The following CDS2 variants were observed in gnomAD, a reference collection of about 807,000 sequenced individuals.
CDS2 encodes phosphatidate cytidylyltransferase 2.
Under a neutral mutation model 59.0 loss-of-function variants are expected in CDS2, and 47 were observed. The ratio of observed to expected loss-of-function variants is 0.80; its 90% CI spans 0.63 to 1.02. CDS2 has a LOEUF of 1.02. Ranked by LOEUF, CDS2 falls within the 50% of genes least tolerant of loss-of-function variation. CDS2 has a pLI of 0.00. For synonymous variants in CDS2, 207 were observed against 206.4 expected (o/e 1.00, Z -0.02); for missense variants, 356 against 558.9 (o/e 0.64, Z 3.66).
At chr20:5,160,330 A>G (rs558222717) in intron 1 of CDS2, among the ~76,000 whole-genome samples, 1 of 152,278 alleles carries the variant, frequency 6.6e-6, no homozygotes, top group East Asian at 1.9e-4. Context: ...AATCCTGTTC[A>G]CCTGGCTGTT....
chr20:5,189,227 A>G (rs2091094132), intron 11 of CDS2, 41 bp downstream of exon 11: 2 of 1,612,020 alleles, frequency 1.2e-6, no homozygotes, highest in East Asian at 2.2e-5. Flanking sequence ...TCACTCCCTC[A>G]CCCATCTTCT....
intron 1 of CDS2, among the ~76,000 whole-genome samples, chr20:5,168,306 T>C (rs2090927616): frequency 6.7e-6 from 1 of 150,290 alleles, no homozygotes; most frequent in Non-Finnish European, 1.5e-5. Flanking sequence ...TCCTAGCTAC[T>C]TGGGAGGCTG....
At chr20:5,186,873 A>C (rs759547369) in intron 10 of CDS2, 34 bp downstream of exon 10, 1 of 1,611,712 alleles carries the variant, frequency 6.2e-7, no homozygotes, top group African/African-American at 1.3e-5. Context: ...AGCGGCCTCC[A>C]TGGACAGTGG....
chr20:5,150,706 TGGA>T (rs934137293), intron 1 of CDS2, among the ~76,000 whole-genome samples: 2 of 152,196 alleles, frequency 1.3e-5, no homozygotes, highest in Non-Finnish European at 2.9e-5. Context: ...GCCTCTGCTG[TGGA>T]GCATTCCTGA....
chr20:5,127,157 C>G lies in CDS2; in HGVS notation c.57+8C>G. 1.3e-6 allele frequency: 2 copies of G among 1,489,264 alleles called. No homozygotes were observed. Among genetic ancestry groups the G allele is most frequent in the Non-Finnish European group, 1.8e-6 (2 of 1,118,008 alleles). 92.3% of individuals were successfully genotyped at this position (1,489,264 alleles called of 1,614,324 possible). On this transcript the variant is annotated splice_region_variant and intron_variant, in intron 1 of 12. Transcript: ENST00000460006. ...GCGCCACCCGAGGACAAGGTAGCGG[C>G]AGCGTCGGGGTGGGCGCGGCCGGGA...
At chr20:5,172,326 G>A (rs576014408) in intron 1 of CDS2, among the ~76,000 whole-genome samples, 117 of 152,328 alleles carry the variant, frequency 7.7e-4, no homozygotes, top group African/African-American at 2.5e-3. Flanking sequence ...TGAGGTGAAG[G>A]TGGGGGTTAG....
chr20:5,165,224 T>C (rs146755902), intron 1 of CDS2, among the ~76,000 whole-genome samples: 55 of 152,316 alleles, frequency 3.6e-4, no homozygotes, highest in African/African-American at 1.3e-3. Flanking sequence ...ACCCCCGTAT[T>C]GCTTAGGATA....
rs746526981 is a variant in CDS2, at chr20:5,185,858, T to A, written c.828+32T>A. 28 of 1,603,204 alleles carry A rather than the reference T, an allele frequency of 1.7e-5. No individual in the cohort carries two copies. In the South Asian group the frequency reaches 1.8e-4, roughly 10 times the overall value. ...GGTGGCTTTCAGCTGTGTAAGGGAT[T>A]GGGTGGACAGAGGCCTCATACCACC... On this transcript the variant is annotated intron_variant, in intron 9 of 12. Transcript: ENST00000460006.
chr20:5,155,649 C>T (rs1289387284), intron 1 of CDS2, among the ~76,000 whole-genome samples: 1 of 152,176 alleles, frequency 6.6e-6, no homozygotes, highest in Non-Finnish European at 1.5e-5. Context: ...ATATTTAGGG[C>T]CCACATGGAT....
At chr20:5,182,864 A>G (rs559822443) in intron 6 of CDS2, among the ~76,000 whole-genome samples, 197 bp from the exon 7 acceptor site, 160 of 152,226 alleles carry the variant, frequency 1.1e-3, no homozygotes, top group Non-Finnish European at 1.7e-3. Flanking sequence ...GGGAGAGCTC[A>G]CTCACTAGTG....
intron 8 of CDS2, 41 bp from the exon 9 acceptor site, chr20:5,185,717 A>T (rs1238260607): frequency 6.3e-7 from 1 of 1,576,650 alleles, no homozygotes; most frequent in Admixed American, 1.7e-5. Context: ...AGCTATAGTT[A>T]TCAAAACACC....
chr20:5,188,822 C>T (rs1183865836), intron 10 of CDS2, among the ~76,000 whole-genome samples: 3 of 152,154 alleles, frequency 2.0e-5, no homozygotes, highest in Non-Finnish European at 2.9e-5. Flanking sequence ...GGGGCTTCAT[C>T]ACTTCATAAC....
At chr20:5,141,766 A>G (rs1278472790) in intron 1 of CDS2, among the ~76,000 whole-genome samples, 1 of 152,144 alleles carries the variant, frequency 6.6e-6, no homozygotes, top group Non-Finnish European at 1.5e-5. Context: ...TCTCTAGGCA[A>G]ATAGTGGCTG....
chr20:5,161,209 T>G (rs2090874100), intron 1 of CDS2, among the ~76,000 whole-genome samples: 1 of 152,260 alleles, frequency 6.6e-6, no homozygotes, highest in Admixed American at 6.5e-5. Flanking sequence ...TCTTCTCCAG[T>G]ACTTGTTATT....
At chr20:5,135,152 G>A (rs1046319783) in intron 1 of CDS2, among the ~76,000 whole-genome samples, 1 of 151,962 alleles carries the variant, frequency 6.6e-6, no homozygotes, top group Non-Finnish European at 1.5e-5. Context: ...GTTGACCATT[G>A]AACTCCTGGG....
At chr20:5,133,183 A>G (rs2090622089) in intron 1 of CDS2, among the ~76,000 whole-genome samples, 1 of 152,212 alleles carries the variant, frequency 6.6e-6, no homozygotes, top group African/African-American at 2.4e-5. Context: ...TCAAAAAAAA[A>G]GAATTTTTAT....
At position 5,157,258 on chromosome 20, in the gene CDS2, C is replaced by T. The variant is rs182832879; in HGVS notation, c.58-16265C>T. Among the ~76,000 whole-genome samples, 7 of 152,170 alleles carry T rather than the reference C, an allele frequency of 4.6e-5. No individual in the cohort carries two copies. The East Asian group carries it at 9.7e-4, about 21-fold the overall frequency. ...ACACAGTGTAGGCTGAAGCCAGACT[C>T]GGGAAGTTTGGGGACATATGGTAGG... is the stretch of plus-strand genomic sequence containing the variant. On this transcript the variant is annotated intron_variant, in intron 1 of 12. Coordinates refer to ENST00000460006, the MANE Select transcript of CDS2 (RefSeq NM_003818.4).
At chr20:5,137,248 CT>C (rs11297837) in intron 1 of CDS2, among the ~76,000 whole-genome samples, 45,333 of 141,324 alleles carry the variant, frequency 0.32, 7,349 homozygotes, top group Non-Finnish European at 0.39. Flanking sequence ...CATTTCTACC[CT>C]TTTTTTTTTT....
intron 12 of CDS2, 46 bp from the exon 13 acceptor site, chr20:5,190,056 G>A (rs200119159): frequency 6.2e-7 from 1 of 1,600,042 alleles, no homozygotes; most frequent in Non-Finnish European, 8.6e-7. Context: ...GGCCCTGGAA[G>A]CTTCCGGGCC....
Sources: gnomAD v4.1 joint callset for allele counts (sites outside exome capture counted in the v4.1 genomes callset) on GRCh38, gnomAD v4.1.1 for gene constraint, MANE v1.5 for transcripts, NCBI Gene and HGNC (gene_info 2026-07-23, HGNC 2026-07-21) for gene names.